The following CELF2 variants were observed in gnomAD, a reference collection of about 807,000 sequenced individuals.
CELF2 encodes the protein CUG triplet repeat RNA-binding protein 2.
CELF2 carries 8 observed loss-of-function variants against 62.6 expected under a neutral mutation model. That is an observed-to-expected ratio of 0.13 (90% CI 0.07 to 0.23). The LOEUF (loss-of-function observed/expected upper bound fraction) is 0.23. Ranked by LOEUF, CELF2 falls within the 10% of genes least tolerant of loss-of-function variation. CELF2 has a pLI of 1.00. For synonymous variants in CELF2, 258 were observed against 250.0 expected (o/e 1.03, Z -0.30); for missense variants, 333 against 671.0 (o/e 0.50, Z 5.56).
Position 11,243,482 on chromosome 10 carries a change from C to G in CELF2, c.355-5671C>G, listed in dbSNP as rs2074642363. On this transcript the variant is annotated intron_variant, in intron 3 of 12. Transcript: ENST00000633077. This position sits in a 1 kb window ranked among gnomAD's most constrained non-coding sequence, Gnocchi z 4.1. ...GAAGAAATGTGTGACATCCCGTTTA[C>G]TCCCATCAACAGGATCTATTTCCAA... is the stretch of plus-strand genomic sequence containing the variant. Among the ~76,000 whole-genome samples the G allele has an allele frequency of 6.6e-6, 1 of 152,046 alleles. No homozygotes were observed. The highest frequency in any genetic ancestry group is 1.5e-5 in the Non-Finnish European group (1 of 68,014).
At chr10:11,208,790 GA>G (rs2061062951) in intron 2 of CELF2, among the ~76,000 whole-genome samples, 1 of 152,200 alleles carries the variant, frequency 6.6e-6, no homozygotes. Context: ...GGGCTTAGGG[GA>G]GGCTGGGACT....
chr10:10,702,572 C>A, the CELF2 span, among the ~76,000 whole-genome samples: 2 of 152,116 alleles, frequency 1.3e-5, no homozygotes, highest in African/African-American at 4.8e-5. Flanking sequence ...TTTTGGGTAA[C>A]AAAATTTTAT....
chr10:10,483,350 A>G, the CELF2 span, among the ~76,000 whole-genome samples: 1 of 152,296 alleles, frequency 6.6e-6, no homozygotes, highest in African/African-American at 2.4e-5. Flanking sequence ...AGAGAGAAAA[A>G]CAATTCCTCT....
the CELF2 span, among the ~76,000 whole-genome samples, chr10:10,726,532 G>A: frequency 1.1e-4 from 17 of 152,058 alleles, no homozygotes; most frequent in African/African-American, 3.9e-4. Context: ...TCTCTCTCCC[G>A]CTTTTAGAAT....
intron 1 of CELF2, among the ~76,000 whole-genome samples, chr10:10,918,249 G>T (rs1177891944): frequency 6.6e-6 from 1 of 152,178 alleles, no homozygotes; most frequent in African/African-American, 2.4e-5. Flanking sequence ...CTTAGCTTGG[G>T]TATCCACAAT....
chr10:11,034,854 G>A (rs2060707557), intron 1 of CELF2, among the ~76,000 whole-genome samples: 1 of 152,154 alleles, frequency 6.6e-6, no homozygotes, highest in Admixed American at 6.5e-5. Context: ...TTGAGAACAA[G>A]TAGATGAGGA....
chr10:11,174,888 C>T (rs1565093220), intron 2 of CELF2, among the ~76,000 whole-genome samples: 1 of 152,150 alleles, frequency 6.6e-6, no homozygotes, highest in Non-Finnish European at 1.5e-5. Flanking sequence ...ACGCAAACAT[C>T]AGGGAGGGGG....
chr10:10,757,105 G>A, the CELF2 span, among the ~76,000 whole-genome samples: 1 of 151,800 alleles, frequency 6.6e-6, no homozygotes, highest in Non-Finnish European at 1.5e-5. Flanking sequence ...TCACACCACT[G>A]CATTCCAGCC....
chr10:10,710,020 C>A, the CELF2 span, among the ~76,000 whole-genome samples: 1 of 152,140 alleles, frequency 6.6e-6, no homozygotes, highest in Non-Finnish European at 1.5e-5. Flanking sequence ...TCTTTCTTTC[C>A]CTGGTGGCTC....
In CELF2 at chr10:11,201,234, G is replaced by A. The variant is rs188285259; in HGVS notation, c.272-16191G>A. 5.9e-5 allele frequency among the ~76,000 whole-genome samples: 9 copies of A among 152,308 alleles called. No individual in the cohort carries two copies. In the East Asian group the frequency reaches 1.2e-3, roughly 20 times the overall value. On this transcript the variant is annotated intron_variant, in intron 2 of 12. Transcript: ENST00000633077. The stretch of plus-strand genomic sequence containing the variant: ...TTTCACCTGTATTTTCCTTGTGTGT[G>A]TTTTTTAATCTGTAGGTATTAGGAT...
At chr10:10,693,017 A>T in the CELF2 span, among the ~76,000 whole-genome samples, 1 of 137,034 alleles carries the variant, frequency 7.3e-6, no homozygotes, top group Non-Finnish European at 1.6e-5. Flanking sequence ...CTTCTGCCTA[A>T]TTGCCCTGGC....
chr10:11,293,588 G>A (rs552686714), intron 9 of CELF2, among the ~76,000 whole-genome samples: 16 of 152,168 alleles, frequency 1.1e-4, no homozygotes, highest in Non-Finnish European at 1.6e-4. Flanking sequence ...TTCTGCAGAC[G>A]TCACCCCTCT....
intron 3 of CELF2, among the ~76,000 whole-genome samples, chr10:11,229,776 G>A (rs2067960429): frequency 6.6e-6 from 1 of 152,138 alleles, no homozygotes. Flanking sequence ...TTTTAGCAGA[G>A]ACAGGGTTTT....
At chr10:10,468,805 T>A in the CELF2 span, among the ~76,000 whole-genome samples, 1 of 152,014 alleles carries the variant, frequency 6.6e-6, no homozygotes, top group Non-Finnish European at 1.5e-5. Context: ...ACTATCCCCA[T>A]AAACTTTACA....
chr10:10,646,694 T>A, the CELF2 span, among the ~76,000 whole-genome samples: 2 of 152,234 alleles, frequency 1.3e-5, no homozygotes, highest in African/African-American at 4.8e-5. Context: ...CAAGCTGTGA[T>A]GAAATACTGA....
the CELF2 span, among the ~76,000 whole-genome samples, chr10:10,754,291 C>T: frequency 6.6e-6 from 1 of 151,696 alleles, no homozygotes; most frequent in Admixed American, 6.6e-5. Context: ...ACTGTAAGTA[C>T]GTGCCTCGAT....
At position 11,302,773 on chromosome 10, in the gene CELF2, G is replaced by C. The variant is rs983824002; in HGVS notation, c.977-11366G>C. Among the ~76,000 whole-genome samples the C allele has an allele frequency of 6.6e-6, 1 of 152,066 alleles. No homozygotes were observed. The highest frequency in any genetic ancestry group is 2.1e-4 in the South Asian group (1 of 4,824). ...GTATTTATGTCGATCCTTTGTTCTCGGGTCTCTAAATTGACATGAGATTTT... is the reference window on the plus strand; with the variant it reads ...GTATTTATGTCGATCCTTTGTTCTCCGGTCTCTAAATTGACATGAGATTTT... On this transcript the variant is annotated intron_variant, in intron 9 of 12. Transcript: ENST00000633077. This position sits in a 1 kb window ranked among gnomAD's most constrained non-coding sequence, Gnocchi z 5.0.
intron 1 of CELF2, among the ~76,000 whole-genome samples, chr10:10,800,185 A>C (rs2131490945): frequency 6.6e-6 from 1 of 152,350 alleles, no homozygotes; most frequent in East Asian, 1.9e-4. Flanking sequence ...TTTAAAAAGT[A>C]CTGCATGTCA....
chr10:11,209,744 G>A (rs1053155757), intron 2 of CELF2, among the ~76,000 whole-genome samples: 4 of 150,592 alleles, frequency 2.7e-5, no homozygotes, highest in Admixed American at 2.6e-4. Context: ...AGATTCGCTT[G>A]AGCACAAAAT....
Sources: gnomAD v4.1 joint callset for allele counts (sites outside exome capture counted in the v4.1 genomes callset) on GRCh38, gnomAD v4.1.1 for gene constraint, Gnocchi (gnomAD v3.1) non-coding constraint, MANE v1.5 for transcripts, NCBI Gene and HGNC (gene_info 2026-07-23, HGNC 2026-07-21) for gene names.